Variants in SIGLEC1 observed in about 807,000 individuals in gnomAD.
SIGLEC1 encodes the protein sialic acid binding Ig like lectin 1, also known as sialoadhesin.
Under a neutral mutation model 148.0 loss-of-function variants are expected in SIGLEC1, and 132 were observed. The observed-to-expected ratio is 0.89, with a 90% confidence interval of 0.77 to 1.03. The LOEUF is 1.03. Among genes scored for constraint, SIGLEC1 ranks in the 50% least tolerant of loss-of-function variants. The pLI is 0.00. For missense variants in SIGLEC1, 2,253 were observed against 2,271.4 expected (o/e 0.99, Z 0.16); for synonymous variants, 945 against 969.0 (o/e 0.98, Z 0.46).
Position 3,694,897 on chromosome 20 carries a change from G to A in SIGLEC1, c.2710C>T (p.Pro904Ser), listed in dbSNP as rs377286585. The change falls in exon 12 of 22, where the codon CCT (proline) becomes TCT (serine). Residue 904 changes from proline (P) to serine (S), a missense_variant. Coordinates refer to ENST00000344754, the MANE Select transcript of SIGLEC1 (RefSeq NM_023068.4). ...RGAWVQVSPS[P>S]ELQEGQAVVL... Reference sequence around the variant, plus strand: ...ACAGCCTGGCCCTCTTGGAGCTCAGGTGATGGTGACACCTGGACCCAGGCT... The same window carrying A: ...ACAGCCTGGCCCTCTTGGAGCTCAGATGATGGTGACACCTGGACCCAGGCT... 9.1e-5 allele frequency: 147 copies of A among 1,612,802 alleles called. No individual in the cohort carries two copies. Among genetic ancestry groups the A allele is most frequent in the Non-Finnish European group, 1.2e-4 (142 of 1,179,894 alleles).
intron 1 of SIGLEC1, among the ~76,000 whole-genome samples, chr20:3,712,263 T>A (rs1227132095): frequency 6.6e-6 from 1 of 151,848 alleles, no homozygotes; most frequent in Non-Finnish European, 1.5e-5. Context: ...GGATGCAGGT[T>A]GGAAGGATTT....
chr20:3,696,114 TAG>T (rs1309462845), intron 11 of SIGLEC1, among the ~76,000 whole-genome samples: 2 of 125,658 alleles, frequency 1.6e-5, no homozygotes, highest in South Asian at 2.6e-4. Context: ...AGGATTTTTA[TAG>T]AGACTATATA....
chr20:3,711,871 T>C lies in SIGLEC1; in HGVS notation c.-110+599A>G, dbSNP rs562000965. ...GAAGTGGTGATGGATGAAGTGGAAT[T>C]GTGCTGGGGTTAGAGTAAGGAGAGA... On this transcript the variant is annotated intron_variant, in intron 1 of 21. Coordinates refer to ENST00000344754, the MANE Select transcript of SIGLEC1 (RefSeq NM_023068.4). 2.0e-5 allele frequency among the ~76,000 whole-genome samples: 3 copies of C among 152,232 alleles called. No homozygotes were observed. In the South Asian group the frequency reaches 6.2e-4, roughly 32 times the overall value.
chr20:3,693,143 G>A lies in SIGLEC1; in HGVS notation c.3509-12C>T, dbSNP rs1196749602. On this transcript the variant is annotated splice_polypyrimidine_tract_variant and intron_variant, in intron 14 of 21. Transcript: ENST00000344754. ...GTTGCGGGGCGCGTCTGCAGGGCAT[G>A]AGAGGCTTACACGGAGTCACAGGCA... The A allele has an allele frequency of 6.5e-7, 1 of 1,536,194 alleles. No homozygotes were observed. The highest frequency in any genetic ancestry group is 8.7e-7 in the Non-Finnish European group (1 of 1,149,810).
intron 1 of SIGLEC1, among the ~76,000 whole-genome samples, chr20:3,711,600 T>C (rs188854106): frequency 6.6e-6 from 1 of 152,148 alleles, no homozygotes; most frequent in East Asian, 1.9e-4. Context: ...GGCCCACAGA[T>C]AGGGAGTCAG....
At chr20:3,691,269 A>C (rs2146518438) in intron 18 of SIGLEC1, 71 bp downstream of exon 18, 1 of 1,571,796 alleles carries the variant, frequency 6.4e-7, no homozygotes, top group Non-Finnish European at 8.7e-7. Flanking sequence ...GGCAGACAGA[A>C]GAGGAGGAAG....
At chr20:3,703,676 G>T in intron 5 of SIGLEC1, 149 bp downstream of exon 5, 2 of 1,167,490 alleles carry the variant, frequency 1.7e-6, no homozygotes, top group East Asian at 2.5e-5. Context: ...CTGTCTCATG[G>T]TAAGGCAGGG....
At position 3,697,127 on chromosome 20, in the gene SIGLEC1, C is replaced by A; in HGVS notation, c.2338G>T (p.Ala780Ser). 5 of 1,613,442 alleles carry A rather than the reference C, an allele frequency of 3.1e-6. No homozygotes were observed. The highest frequency in any genetic ancestry group is 4.2e-6 in the Non-Finnish European group (5 of 1,180,030). The stretch of plus-strand genomic sequence containing the variant: ...ACGGGAGTGGAGAGCTGGGCACCAG[C>A]CTCAGTCAGGATGCGGCAGGCGTAA... ...ALYACRILTEAGAQLSTPVLL... is the reference protein window; with the variant it reads ...ALYACRILTESGAQLSTPVLL... Residue 780 changes from alanine (A) to serine (S), a missense_variant, in exon 10 of 22, where the codon GCT becomes TCT. Coordinates refer to ENST00000344754, the MANE Select transcript of SIGLEC1 (RefSeq NM_023068.4).
intron 17 of SIGLEC1, 27 bp downstream of exon 17, chr20:3,691,876 C>T (rs754163130): frequency 6.5e-7 from 1 of 1,546,942 alleles, no homozygotes; most frequent in Non-Finnish European, 8.8e-7. Flanking sequence ...CATCAGAGCC[C>T]CTCCTCCTCC....
At position 3,689,167 on chromosome 20, in the gene SIGLEC1, T is replaced by C; in HGVS notation, c.5058A>G (p.Lys1686=). 1.2e-6 allele frequency: 2 copies of C among 1,614,122 alleles called. No homozygotes were observed. Among genetic ancestry groups the C allele is most frequent in the Non-Finnish European group, 1.7e-6 (2 of 1,179,938 alleles). Residue 1686 remains lysine, a synonymous_variant, in exon 21 of 22, where the codon AAA becomes AAG. Coordinates refer to ENST00000344754, the MANE Select transcript of SIGLEC1 (RefSeq NM_023068.4). Reference sequence around the variant, plus strand: ...GTTGAATGGATACCTGCGTGGTCTCTTTCTGAAAAGCCATCTCCACCGAAT... The same window carrying C: ...GTTGAATGGATACCTGCGTGGTCTCCTTCTGAAAAGCCATCTCCACCGAAT... ...GENSVEMAFQ[K]ETTQLIDPDA... is the part of the protein sequence containing the mutation.
intron 11 of SIGLEC1, 103 bp from the exon 12 acceptor site, chr20:3,695,026 G>A: frequency 8.0e-7 from 1 of 1,255,188 alleles, no homozygotes; most frequent in Non-Finnish European, 1.1e-6. Context: ...AACCCCATGT[G>A]CTGGAGCCGC....
At chr20:3,702,642 A>C (rs567256517) in intron 6 of SIGLEC1, among the ~76,000 whole-genome samples, 3 of 152,134 alleles carry the variant, frequency 2.0e-5, no homozygotes, top group Non-Finnish European at 2.9e-5. Flanking sequence ...TGATCATTGC[A>C]TTGTGGATAT....
In SIGLEC1 at chr20:3,706,539, A is replaced by C. The variant is rs1298708345; in HGVS notation, c.217T>G (p.Ser73Ala). 12 of 1,612,770 alleles carry C rather than the reference A, an allele frequency of 7.4e-6. No homozygotes were observed. Among genetic ancestry groups the C allele is most frequent in the Non-Finnish European group, 1.0e-5 (12 of 1,179,886 alleles). Residue 73 changes from serine to alanine, a missense_variant, in exon 3 of 22, where the codon TCG (serine) becomes GCG (alanine). Physicochemically the swap from Ser to Ala is moderately conservative, Grantham distance 99. Transcript: ENST00000344754. ...GCCTCCACCAGCTTGGGGTCCGCCGAGTGGCTCACCACCTGCCGCTGGCCC... is the reference window on the plus strand; with the variant it reads ...GCCTCCACCAGCTTGGGGTCCGCCGCGTGGCTCACCACCTGCCGCTGGCCC... ...YSGQRQVVSHSADPKLVEARF... is the reference protein window; with the variant it reads ...YSGQRQVVSHAADPKLVEARF...
rs1413072229 is a variant in SIGLEC1 at position 3,703,451 on chromosome 20, A to G, written c.974T>C (p.Met325Thr). 6.4e-7 allele frequency: 1 copy of G among 1,567,758 alleles called. No homozygotes were observed. The highest frequency in any genetic ancestry group is 2.2e-5 in the East Asian group (1 of 44,446). The change falls in exon 6 of 22, where the codon ATG becomes ACG. Residue 325 changes from methionine (M) to threonine (T), a missense_variant and splice_region_variant. By Grantham distance (81) the Met-to-Thr change is moderately conservative. Transcript: ENST00000344754. ...VSPPISLHIFMAEVQVSPAGP... is the reference protein window; with the variant it reads ...VSPPISLHIFTAEVQVSPAGP... ...TGCTGGGCTCACCTGGACCTCAGCC[A>G]CTGCAAGGGCAGCATAGGGAGTGCT...
rs144291966 is a variant in SIGLEC1 at position 3,693,504 on chromosome 20, C to G, written c.3451G>C (p.Val1151Leu). 3.1e-6 allele frequency: 5 copies of G among 1,609,392 alleles called. No individual in the cohort carries two copies. In the East Asian group the frequency reaches 6.7e-5, roughly 22 times the overall value. Residue 1151 changes from valine to leucine, a missense_variant, in exon 14 of 22, where the codon GTG becomes CTG. Val to Leu is a conservative substitution (Grantham distance 32). Transcript: ENST00000344754. Reference protein sequence around the residue: ...VRDATSYRCGVGPPGRAPRLS... With the variant: ...VRDATSYRCGLGPPGRAPRLS... ...CGGGGTGCCCGACCAGGGGGGCCCA[C>G]ACCGCAGCGGTAGGAGGTGGCATCC...
chr20:3,696,771 T>A lies in SIGLEC1; in HGVS notation c.2498A>T (p.Glu833Val), dbSNP rs571127595. ...ACCCAGGCTGGTGGCCAGGAGGTGC[T>A]CCCCATGGAACAAGGCCAGCAAGGC... ...PLALLALFHGEHLLATSLGPQ... is the reference protein window; with the variant it reads ...PLALLALFHGVHLLATSLGPQ... Residue 833 changes from glutamate (E) to valine (V), a missense_variant, in exon 11 of 22, where the codon GAG becomes GTG. By Grantham distance (121) the Glu-to-Val change is moderately radical (BLOSUM62 -2). Transcript: ENST00000344754. 6.2e-7 allele frequency: 1 copy of A among 1,612,900 alleles called. No homozygotes were observed. The highest frequency in any genetic ancestry group is 1.3e-5 in the African/African-American group (1 of 74,974).
intron 14 of SIGLEC1, 60 bp downstream of exon 14, chr20:3,693,387 G>T: frequency 6.6e-7 from 1 of 1,508,152 alleles, no homozygotes; most frequent in Non-Finnish European, 8.9e-7. Context: ...CGGCCATGCC[G>T]TGATCCCTGT....
At position 3,706,499 on chromosome 20, in the gene SIGLEC1, C is replaced by G; in HGVS notation, c.257G>C (p.Arg86Pro). The change falls in exon 3 of 22, where the codon CGC becomes CCC. Residue 86 changes from arginine (R) to proline (P), a missense_variant. Arg to Pro is a moderately radical substitution (Grantham distance 103). Coordinates refer to ENST00000344754, the MANE Select transcript of SIGLEC1 (RefSeq NM_023068.4). ...PKLVEARFRG[R>P]TEFMGNPEHR... The stretch of plus-strand genomic sequence containing the variant: ...CTCGGGGTTCCCCATGAACTCGGTG[C>G]GGCCGCGGAAGCGGGCCTCCACCAG... 2 of 1,613,676 alleles carry G rather than the reference C, an allele frequency of 1.2e-6. No individual in the cohort carries two copies. The highest frequency in any genetic ancestry group is 1.1e-5 in the South Asian group (1 of 91,090).
At chr20:3,693,969 C>A (rs372904539) in intron 13 of SIGLEC1, among the ~76,000 whole-genome samples, 6 of 152,138 alleles carry the variant, frequency 3.9e-5, no homozygotes, top group African/African-American at 1.4e-4. Context: ...AGACCACAGA[C>A]CTCCCCTCCC....
Sources: allele counts gnomAD v4.1 joint callset (sites outside exome capture counted in the v4.1 genomes callset), GRCh38; gene constraint gnomAD v4.1.1; transcripts MANE v1.5; gene names NCBI Gene and HGNC (gene_info 2026-07-23, HGNC 2026-07-21).